AQP8: variants seen among roughly 807,000 people sequenced by gnomAD.
AQP8 encodes the protein aquaporin 8, also known as aquaporin-8.
In AQP8, 14 loss-of-function variants were observed where a neutral mutation model predicts 26.1. That is an observed-to-expected ratio of 0.54 (90% CI 0.35 to 0.84). AQP8 has a LOEUF of 0.84. Among genes scored for constraint, AQP8 ranks in the 40% least tolerant of loss-of-function variants. AQP8 has a pLI of 0.01. For missense variants in AQP8, 301 were observed against 340.5 expected (o/e 0.88, Z 0.91); for synonymous variants, 131 against 150.7 (o/e 0.87, Z 0.96).
rs146442871 is a variant in AQP8 at position 25,224,419 on chromosome 16, C to T, written c.445C>T (p.Gln149Ter). 3.1e-6 allele frequency: 5 copies of T among 1,614,018 alleles called. No individual in the cohort carries two copies. In the African/African-American group the frequency reaches 6.7e-5, roughly 22 times the overall value. Residue 149 changes from glutamine (Q) to a stop codon, truncating the protein, a stop_gained, in exon 4 of 6, where the codon CAG (glutamine) becomes TAG (stop). Transcript: ENST00000219660. LOFTEE classifies it high-confidence loss of function. ...NASGAAFVTVQEQGQVAGALV... is the reference protein window; with the variant it reads ...NASGAAFVTV Reference sequence around the variant, plus strand: ...ATCTGGGGCGGCCTTTGTGACAGTCCAGGAGCAGGGGCAGGTGGCAGGGGC... The same window carrying T: ...ATCTGGGGCGGCCTTTGTGACAGTCTAGGAGCAGGGGCAGGTGGCAGGGGC...
At chr16:25,222,838 T>G (rs1962582025) in intron 3 of AQP8, among the ~76,000 whole-genome samples, 1 of 152,162 alleles carries the variant, frequency 6.6e-6, no homozygotes, top group South Asian at 2.1e-4. Context: ...CCTGTTCCCC[T>G]GTCTATGGAA....
At chr16:25,218,323 A>G (rs903206468) in intron 2 of AQP8, among the ~76,000 whole-genome samples, 1 of 152,144 alleles carries the variant, frequency 6.6e-6, no homozygotes, top group Non-Finnish European at 1.5e-5. Context: ...TGGCTTGTCA[A>G]GAGGTGATCA....
rs764664854 is a variant in AQP8 at position 25,221,526 on chromosome 16, C to T, written c.330C>T (p.Leu110=). 1.2e-6 allele frequency: 2 copies of T among 1,614,104 alleles called. No homozygotes were observed. The highest frequency in any genetic ancestry group is 1.7e-6 in the Non-Finnish European group (2 of 1,180,018). The part of the protein sequence containing the change: ...MLIGGLNLVM[L]LPYWVSQLLG... ...TCGGAGGCCTCAACCTGGTGATGCT[C>T]CTCCCGTACTGGGTCTCACAGCTGC... Residue 110 remains leucine, a synonymous_variant, in exon 3 of 6, where the codon CTC becomes CTT. Transcript: ENST00000219660.
rs751686924 is a variant in AQP8 at position 25,218,882 on chromosome 16, A to AAAAC, written c.260+1461_260+1464dup. Reference sequence around the variant, plus strand: ...CAACAGAGTGAGACTCCATCTCCAAAAAACAAACAAACAAACAAACAAACA... The same window carrying AAAAC: ...CAACAGAGTGAGACTCCATCTCCAAAAAACAAACAAACAAACAAACAAACAAACA... On this transcript the variant is annotated intron_variant, in intron 2 of 5. Transcript: ENST00000219660. Among the ~76,000 whole-genome samples the AAAAC allele has an allele frequency of 9.1e-4, 137 of 151,188 alleles. 3 individuals are homozygous for AAAAC. The highest frequency in any genetic ancestry group is 1.2e-3 in the South Asian group (6 of 4,822).
intron 2 of AQP8, among the ~76,000 whole-genome samples, chr16:25,219,229 C>A (rs1962526023): frequency 6.6e-6 from 1 of 151,540 alleles, no homozygotes; most frequent in African/African-American, 2.4e-5. Context: ...TGCCACACAG[C>A]TCTTCAGTGG....
At position 25,228,433 on chromosome 16, in the gene AQP8, C is replaced by A; in HGVS notation, c.738-11C>A. 6.2e-7 allele frequency: 1 copy of A among 1,613,902 alleles called. No individual in the cohort carries two copies. ...CGGGGCAGAGACCTTACTGGGTCAT[C>A]TTTCTTGCAGGTGCTTCATTGGAGA... On this transcript the variant is annotated splice_polypyrimidine_tract_variant and intron_variant, in intron 5 of 5. Coordinates refer to ENST00000219660, the MANE Select transcript of AQP8 (RefSeq NM_001169.3).
chr16:25,219,407 T>C (rs541751018), intron 2 of AQP8, among the ~76,000 whole-genome samples: 10 of 151,566 alleles, frequency 6.6e-5, no homozygotes, highest in African/African-American at 2.4e-4. Context: ...GCTATGTATG[T>C]AAGTTATAAG....
At position 25,221,603 on chromosome 16, in the gene AQP8, TG is replaced by T; in HGVS notation, c.387+23del. 6.2e-7 allele frequency: 1 copy of T among 1,613,636 alleles called. No homozygotes were observed. On this transcript the variant is annotated intron_variant, in intron 3 of 5. Transcript: ENST00000219660. The stretch of plus-strand genomic sequence containing the variant: ...GCCAAGGTGGGTAAACCCCAGGGGC[TG>T]GGCTAGTCTTCCTCTCTGATGGGGC...
chr16:25,228,769 TGAGAG>T lies in AQP8; in HGVS notation c.*280_*284del, dbSNP rs1962670162. On this transcript the variant is annotated 3_prime_UTR_variant, in exon 6 of 6. Coordinates refer to ENST00000219660, the MANE Select transcript of AQP8 (RefSeq NM_001169.3). ...AACACCACAACACGAGCGTGTTTCT[TGAGAG>T]GAATGTCCCCGAGTTGGACAAGGAG... is the stretch of plus-strand genomic sequence containing the variant. 3.0e-6 allele frequency: 1 copy of T among 327,946 alleles called. No homozygotes were observed. The highest frequency in any genetic ancestry group is 2.1e-5 in the African/African-American group (1 of 47,462). 20.3% of individuals were successfully genotyped at this position (327,946 alleles called of 1,614,324 possible).
intron 2 of AQP8, among the ~76,000 whole-genome samples, chr16:25,218,996 T>G: frequency 6.6e-6 from 1 of 151,500 alleles, no homozygotes; most frequent in Middle Eastern, 3.2e-3. Context: ...GATCTGAGAT[T>G]GAAGGCAACC....
In AQP8 at chr16:25,227,053, C is replaced by G. The variant is rs1296226208; in HGVS notation, c.603-15C>G. 6.2e-7 allele frequency: 1 copy of G among 1,613,600 alleles called. No individual in the cohort carries two copies. The highest frequency in any genetic ancestry group is 1.3e-5 in the African/African-American group (1 of 74,990). Reference sequence around the variant, plus strand: ...GGCTGGGATCCTGGTGACCTTGGTGCCTGGGTGTTTGCAGGGGCCCTGTGT... The same window carrying G: ...GGCTGGGATCCTGGTGACCTTGGTGGCTGGGTGTTTGCAGGGGCCCTGTGT... On this transcript the variant is annotated splice_polypyrimidine_tract_variant and intron_variant, in intron 4 of 5. Coordinates refer to ENST00000219660, the MANE Select transcript of AQP8 (RefSeq NM_001169.3).
chr16:25,218,602 G>A (rs181303616), intron 2 of AQP8, among the ~76,000 whole-genome samples: 5 of 152,324 alleles, frequency 3.3e-5, no homozygotes, highest in East Asian at 1.9e-4. Flanking sequence ...TCTTTAGGCC[G>A]GGTGCAGTGG....
At chr16:25,227,570 A>G (rs1302578482) in intron 5 of AQP8, among the ~76,000 whole-genome samples, 2 of 151,292 alleles carry the variant, frequency 1.3e-5, no homozygotes, top group African/African-American at 2.4e-5. Context: ...GCTTATTGCA[A>G]CCTCCGCCCC....
chr16:25,224,447 T>C lies in AQP8; in HGVS notation c.473T>C (p.Leu158Ser). The change falls in exon 4 of 6, where the codon TTG becomes TCG. Residue 158 changes from leucine to serine, a missense_variant. Transcript: ENST00000219660. ...GAGCAGGGGCAGGTGGCAGGGGCGTTGGTGGCAGAGATCATCCTGACGACG... is the reference window on the plus strand; with the variant it reads ...GAGCAGGGGCAGGTGGCAGGGGCGTCGGTGGCAGAGATCATCCTGACGACG... ...VQEQGQVAGALVAEIILTTLL... is the reference protein window; with the variant it reads ...VQEQGQVAGASVAEIILTTLL... 6.2e-7 allele frequency: 1 copy of C among 1,614,082 alleles called. No individual in the cohort carries two copies. Among genetic ancestry groups the C allele is most frequent in the Middle Eastern group, 1.7e-4 (1 of 6,050 alleles).
Position 25,221,550 on chromosome 16 carries a change from G to T in AQP8, c.354G>T (p.Leu118=), listed in dbSNP as rs1372811317. The T allele has an allele frequency of 6.2e-7, 1 of 1,614,048 alleles. No individual in the cohort carries two copies. Among genetic ancestry groups the T allele is most frequent in the Non-Finnish European group, 8.5e-7 (1 of 1,180,028 alleles). Residue 118 remains leucine, a synonymous_variant, in exon 3 of 6, where the codon CTG becomes CTT. Transcript: ENST00000219660. ...VMLLPYWVSQ[L]LGGMLGAALA... ...TCCTCCCGTACTGGGTCTCACAGCT[G>T]CTCGGGGGGATGCTCGGGGCTGCCT...
chr16:25,217,551 A>C, intron 2 of AQP8, 106 bp downstream of exon 2: 1 of 1,469,302 alleles, frequency 6.8e-7, no homozygotes, highest in East Asian at 2.3e-5. Flanking sequence ...TCGGGATTTC[A>C]AGGAGCGCTC....
At chr16:25,226,252 A>G (rs9926209) in intron 4 of AQP8, among the ~76,000 whole-genome samples, 3,881 of 149,988 alleles carry the variant, frequency 0.026, 166 homozygotes, top group African/African-American at 0.088. Context: ...TCGTTATTTT[A>G]TTTTATTTTT....
In AQP8 at chr16:25,223,623, C is replaced by T. The variant is rs371525025; in HGVS notation, c.388-739C>T. 5.9e-5 allele frequency among the ~76,000 whole-genome samples: 9 copies of T among 152,238 alleles called. 1 individual carries two copies. Among genetic ancestry groups the T allele is most frequent in the East Asian group, 1.9e-4 (1 of 5,174 alleles). ...ACATGAGAGGCTGAGGTAGGAGGAA[C>T]ACTGGAGCCCAGGAGGTCCAGGCTG... On this transcript the variant is annotated intron_variant, in intron 3 of 5. Coordinates refer to ENST00000219660, the MANE Select transcript of AQP8 (RefSeq NM_001169.3).
In AQP8 at chr16:25,221,602, C is replaced by A. The variant is rs749125736; in HGVS notation, c.387+19C>A. 4 of 1,613,528 alleles carry A rather than the reference C, an allele frequency of 2.5e-6. No homozygotes were observed. In the Admixed American group the frequency reaches 5.0e-5, roughly 20 times the overall value. On this transcript the variant is annotated intron_variant, in intron 3 of 5. Transcript: ENST00000219660. ...GGCCAAGGTGGGTAAACCCCAGGGGCTGGGCTAGTCTTCCTCTCTGATGGG... is the reference window on the plus strand; with the variant it reads ...GGCCAAGGTGGGTAAACCCCAGGGGATGGGCTAGTCTTCCTCTCTGATGGG...
Sources: allele counts gnomAD v4.1 joint callset (sites outside exome capture counted in the v4.1 genomes callset), GRCh38; gene constraint gnomAD v4.1.1; transcripts MANE v1.5; gene names NCBI Gene and HGNC (gene_info 2026-07-23, HGNC 2026-07-21).